CHST9: variants seen among roughly 807,000 people sequenced by gnomAD.
The protein encoded by CHST9 is carbohydrate sulfotransferase 9.
CHST9 carries 41 observed loss-of-function variants against 44.4 expected under a neutral mutation model. That is an observed-to-expected ratio of 0.92 (90% CI 0.72 to 1.20). The LOEUF is 1.20. Among genes scored for constraint, CHST9 ranks in the 50% most tolerant of loss-of-function variants. The pLI is 0.00. For synonymous variants in CHST9, 171 were observed against 178.4 expected (o/e 0.96, Z 0.33); for missense variants, 504 against 516.5 (o/e 0.98, Z 0.23).
chr18:27,161,964 G>C (rs1421899923), intron 1 of CHST9, among the ~76,000 whole-genome samples: 2 of 151,678 alleles, frequency 1.3e-5, no homozygotes, highest in African/African-American at 4.9e-5. Context: ...TTGCTTGGTA[G>C]ATCTTCCTCC....
chr18:26,946,959 C>A (rs1428370356), intron 4 of CHST9, among the ~76,000 whole-genome samples: 2 of 152,108 alleles, frequency 1.3e-5, no homozygotes. Context: ...TATGATGCCT[C>A]CAGCTTTGTT....
chr18:27,020,920 G>A (rs917435701), intron 4 of CHST9, among the ~76,000 whole-genome samples: 1 of 152,208 alleles, frequency 6.6e-6, no homozygotes, highest in Non-Finnish European at 1.5e-5. Flanking sequence ...TCACTTCCAA[G>A]TGTGGGAGGA....
chr18:26,993,254 A>T (rs899936084), intron 4 of CHST9, among the ~76,000 whole-genome samples: 2 of 152,234 alleles, frequency 1.3e-5, no homozygotes, highest in African/African-American at 4.8e-5. Flanking sequence ...GAATACTTCC[A>T]CTTCATAGTA....
intron 4 of CHST9, among the ~76,000 whole-genome samples, chr18:26,961,274 T>C (rs1420443516): frequency 1.3e-5 from 2 of 152,244 alleles, no homozygotes; most frequent in Non-Finnish European, 2.9e-5. Context: ...ACCTCCATTG[T>C]ATTTTTAGAA....
At chr18:26,995,437 C>CA (rs11284514) in intron 4 of CHST9, among the ~76,000 whole-genome samples, 1,166 of 102,482 alleles carry the variant, frequency 0.011, 16 homozygotes, top group South Asian at 0.017. Flanking sequence ...GACTCCGTCT[C>CA]AAAAAAAAAA....
rs145521393 is a variant in CHST9, at chr18:26,931,574, C to T, written c.240+12755G>A. Among the ~76,000 whole-genome samples the T allele has an allele frequency of 8.9e-3, 1,351 of 152,324 alleles. 8 individuals are homozygous for T. Among genetic ancestry groups the T allele is most frequent in the Non-Finnish European group, 0.014 (954 of 68,026 alleles). On this transcript the variant is annotated intron_variant, in intron 5 of 5. Transcript: ENST00000618847. The stretch of plus-strand genomic sequence containing the variant: ...ACTCATGACCATATTTTGAGATCCC[C>T]AAGTCCCTGGAGCCTGCTTCCTCCT...
At position 26,916,436 on chromosome 18, in the gene CHST9, A is replaced by G. The variant is rs1343649978; in HGVS notation, c.1155T>C (p.Gly385=). 1 of 1,613,774 alleles carries G rather than the reference A, an allele frequency of 6.2e-7. No individual in the cohort carries two copies. Among genetic ancestry groups the G allele is most frequent in the African/African-American group, 1.3e-5 (1 of 75,018 alleles). The change falls in exon 6 of 6, where the codon GGT becomes GGC. Residue 385 remains glycine, a synonymous_variant. Transcript: ENST00000618847. ...TGGGAAATTTCAGCTCCTTTGGAGC[A>G]CCGATCATCTGTAAAAAGTAATTGG... is the stretch of plus-strand genomic sequence containing the variant. ...EDANYFLQMI[G]APKELKFPNF... is the part of the protein sequence containing the mutation.
chr18:27,167,178 G>C (rs1011142602), intron 1 of CHST9, among the ~76,000 whole-genome samples: 4 of 152,194 alleles, frequency 2.6e-5, no homozygotes, highest in Non-Finnish European at 5.9e-5. Flanking sequence ...TGCACCTGCT[G>C]CTTTTCAGAT....
chr18:27,102,619 C>T (rs2058184946), intron 2 of CHST9, among the ~76,000 whole-genome samples: 1 of 152,196 alleles, frequency 6.6e-6, no homozygotes, highest in Non-Finnish European at 1.5e-5. Flanking sequence ...GATATTATCA[C>T]CTCAAAATTT....
At chr18:26,943,018 G>T (rs903045839) in intron 5 of CHST9, among the ~76,000 whole-genome samples, 1 of 152,140 alleles carries the variant, frequency 6.6e-6, no homozygotes, top group African/African-American at 2.4e-5. Context: ...TGAGGCAGGA[G>T]AATTGCTTGA....
chr18:27,121,382 C>A (rs181237850), intron 2 of CHST9, among the ~76,000 whole-genome samples: 4 of 152,192 alleles, frequency 2.6e-5, no homozygotes, highest in Admixed American at 2.6e-4. Flanking sequence ...GCCCCTACTC[C>A]CCCTCCCTGT....
At chr18:27,107,955 T>C (rs1317345793) in intron 2 of CHST9, among the ~76,000 whole-genome samples, 1 of 152,200 alleles carries the variant, frequency 6.6e-6, no homozygotes, top group African/African-American at 2.4e-5. Context: ...ACGTCCACGT[T>C]ATTACTCAGG....
intron 1 of CHST9, among the ~76,000 whole-genome samples, chr18:27,180,282 G>A (rs1488468574): frequency 6.6e-6 from 1 of 152,120 alleles, no homozygotes; most frequent in African/African-American, 2.4e-5. Context: ...TGTGTCTAGT[G>A]AAGTTATCCC....
At chr18:27,108,569 T>G (rs185015019) in intron 2 of CHST9, among the ~76,000 whole-genome samples, 12 of 152,184 alleles carry the variant, frequency 7.9e-5, no homozygotes, top group Admixed American at 7.2e-4. Context: ...AAGAAAAAAA[T>G]GCATCCAATT....
chr18:27,013,094 C>T (rs181353080), intron 4 of CHST9, among the ~76,000 whole-genome samples: 10 of 152,290 alleles, frequency 6.6e-5, no homozygotes, highest in Admixed American at 2.0e-4. Context: ...TAGGGCCACT[C>T]AAACTCTGTC....
intron 3 of CHST9, among the ~76,000 whole-genome samples, chr18:27,043,284 A>C (rs931045595): frequency 1.3e-5 from 2 of 152,044 alleles, no homozygotes; most frequent in Non-Finnish European, 2.9e-5. Flanking sequence ...CCAATTACTT[A>C]AAAGGCAAAT....
intron 4 of CHST9, among the ~76,000 whole-genome samples, chr18:26,978,137 AT>A (rs35884558): frequency 0.22 from 33,314 of 149,750 alleles, 3,993 homozygotes; most frequent in Middle Eastern, 0.29. Flanking sequence ...TGGAAAATAG[AT>A]TTTTTTTTGC....
At position 27,048,472 on chromosome 18, in the gene CHST9, T is replaced by TA; in HGVS notation, c.152dup (p.Thr52AsnfsTer37). The TA allele has an allele frequency of 6.2e-7, 1 of 1,607,764 alleles. No homozygotes were observed. The highest frequency in any genetic ancestry group is 8.5e-7 in the Non-Finnish European group (1 of 1,177,100). On this transcript the variant is annotated frameshift_variant, in exon 3 of 6. Coordinates refer to ENST00000618847, the MANE Select transcript of CHST9 (RefSeq NM_031422.6). LOFTEE classifies it high-confidence loss of function. ...CATTGGACAAAATCTTACCTGAAGTTACTTTTTGTTCTCTTCTCTTCTCCA... is the reference window on the plus strand; with the variant it reads ...CATTGGACAAAATCTTACCTGAAGTTAACTTTTTGTTCTCTTCTCTTCTCCA...
At position 27,069,839 on chromosome 18, in the gene CHST9, T is replaced by A. The variant is rs1443708284; in HGVS notation, c.122-21336A>T. ...GACACAAATTACAGCAAAAGGATAC[T>A]GTTCTAATTTGAATCCTAGTAAACC... On this transcript the variant is annotated intron_variant, in intron 2 of 5. Transcript: ENST00000618847. Among the ~76,000 whole-genome samples the A allele has an allele frequency of 3.3e-5, 5 of 152,188 alleles. No individual in the cohort carries two copies. The East Asian group carries it at 9.6e-4, about 29-fold the overall frequency.
Sources: allele counts gnomAD v4.1 joint callset (sites outside exome capture counted in the v4.1 genomes callset), GRCh38; gene constraint gnomAD v4.1.1; transcripts MANE v1.5; gene names NCBI Gene and HGNC (gene_info 2026-07-23, HGNC 2026-07-21).